The following VPS36 variants were observed in gnomAD, a reference collection of about 807,000 sequenced individuals.
VPS36 encodes vacuolar protein sorting 36 homolog.
In VPS36, 31 loss-of-function variants were observed where a neutral mutation model predicts 63.5. That is an observed-to-expected ratio of 0.49 (90% CI 0.37 to 0.66). The LOEUF (loss-of-function observed/expected upper bound fraction) is 0.66, where lower values mean the gene tolerates loss of function less well. Ranked by LOEUF, VPS36 falls within the 30% of genes least tolerant of loss-of-function variation. The pLI is 0.00. For synonymous variants in VPS36, 138 were observed against 157.2 expected (o/e 0.88, Z 0.91); for missense variants, 338 against 463.7 (o/e 0.73, Z 2.49).
At chr13:52,426,251 C>T (rs1958099775) in intron 8 of VPS36, among the ~76,000 whole-genome samples, 185 bp from the exon 9 acceptor site, 1 of 152,164 alleles carries the variant, frequency 6.6e-6, no homozygotes, top group Admixed American at 6.5e-5. Flanking sequence ...AATTATTCTC[C>T]TTCCTACTTC....
chr13:52,444,559 T>C (rs1049003214), intron 1 of VPS36, among the ~76,000 whole-genome samples: 3 of 147,662 alleles, frequency 2.0e-5, no homozygotes, highest in East Asian at 1.9e-4. Context: ...TATATGTATA[T>C]ATACACATAT....
chr13:52,428,724 TAA>T (rs1256792710), intron 6 of VPS36, among the ~76,000 whole-genome samples: 1 of 152,078 alleles, frequency 6.6e-6, no homozygotes, highest in Non-Finnish European at 1.5e-5. Context: ...TTTTAATATA[TAA>T]GATATTAATA....
At chr13:52,425,842 A>G (rs1186896638) in intron 9 of VPS36, 90 bp downstream of exon 9, 2 of 1,351,972 alleles carry the variant, frequency 1.5e-6, no homozygotes, top group Non-Finnish European at 2.0e-6. Flanking sequence ...TAACCATATC[A>G]TGAAAATAGT....
intron 9 of VPS36, 130 bp downstream of exon 9, chr13:52,425,802 G>T: frequency 9.8e-7 from 1 of 1,020,768 alleles, no homozygotes; most frequent in Non-Finnish European, 1.3e-6. Context: ...TAATATACCT[G>T]AAAGAAAAAA....
intron 10 of VPS36, among the ~76,000 whole-genome samples, chr13:52,419,891 T>G (rs11620062): frequency 0.46 from 69,224 of 151,526 alleles, 17,545 homozygotes; most frequent in East Asian, 0.64. Context: ...GTGGGAAGAG[T>G]AGTGGGGAAG....
rs1482592889 is a variant in VPS36, at chr13:52,448,600, ACTTGTCTG to A, written c.96+1891_96+1898del. ...TTTCTTAAACCTCTGACATCTATAT[ACTTGTCTG>A]CTAATACAAGCAGCAAAAATTTTAA... On this transcript the variant is annotated intron_variant, in intron 1 of 13. Coordinates refer to ENST00000378060, the MANE Select transcript of VPS36 (RefSeq NM_016075.4). Among the ~76,000 whole-genome samples the A allele has an allele frequency of 2.6e-5, 4 of 152,368 alleles. No homozygotes were observed. In the South Asian group the frequency reaches 6.2e-4, roughly 24 times the overall value.
chr13:52,417,466 T>G (rs566764010), intron 11 of VPS36, among the ~76,000 whole-genome samples: 8 of 152,300 alleles, frequency 5.3e-5, no homozygotes, highest in South Asian at 4.1e-4. Flanking sequence ...GTTCAAGCGA[T>G]TCTCCTGCCT....
intron 8 of VPS36, among the ~76,000 whole-genome samples, chr13:52,426,761 A>G (rs1336963939): frequency 6.6e-6 from 1 of 152,202 alleles, no homozygotes; most frequent in Admixed American, 6.5e-5. Flanking sequence ...ACGCTGAGGC[A>G]GGAGAATCGC....
chr13:52,438,743 T>G (rs995558262), intron 3 of VPS36, among the ~76,000 whole-genome samples: 1 of 152,254 alleles, frequency 6.6e-6, no homozygotes, highest in African/African-American at 2.4e-5. Flanking sequence ...TATTATTATA[T>G]GCTGTTTAAT....
At chr13:52,429,209 T>G in intron 6 of VPS36, 1 of 975,942 alleles carries the variant, frequency 1.0e-6, no homozygotes, top group Non-Finnish European at 1.2e-6. Context: ...CCCCTTAAGC[T>G]GACTTACAGC....
chr13:52,427,828 T>C (rs1227467447), intron 6 of VPS36, among the ~76,000 whole-genome samples: 1 of 152,172 alleles, frequency 6.6e-6, no homozygotes, highest in East Asian at 1.9e-4. Flanking sequence ...TATTATTTAC[T>C]GTTATTTGAG....
intron 6 of VPS36, among the ~76,000 whole-genome samples, chr13:52,431,779 A>AAAAG (rs1259456182): frequency 5.6e-4 from 83 of 148,436 alleles, no homozygotes; most frequent in African/African-American, 6.0e-4. Flanking sequence ...AAAAAAAAAA[A>AAAAG]AAAGAAAGAA....
intron 6 of VPS36, among the ~76,000 whole-genome samples, chr13:52,428,634 A>T (rs924814091): frequency 2.0e-5 from 3 of 152,238 alleles, no homozygotes; most frequent in Non-Finnish European, 4.4e-5. Flanking sequence ...AGTCAATTCT[A>T]ACATTTAAAT....
At chr13:52,450,044 C>T in intron 1 of VPS36, 2 of 987,586 alleles carry the variant, frequency 2.0e-6, no homozygotes, top group Non-Finnish European at 2.4e-6. Context: ...ACTGTACGGC[C>T]ACCGCGCCCT....
In VPS36 at chr13:52,429,455, G is replaced by A. The variant is rs1024929771; in HGVS notation, c.529-2236C>T. 16 of 188,206 alleles carry A rather than the reference G, an allele frequency of 8.5e-5. No individual in the cohort carries two copies. The East Asian group carries it at 1.1e-3, about 13-fold the overall frequency. The allele number at this position is 188,206 out of a possible 1,614,324, so 11.7% of individuals were successfully genotyped here. ...GACCTCAACAGAAGTTAGGGATCAT[G>A]TTATACACCCCTGCTGCAGCCTATA... On this transcript the variant is annotated intron_variant, in intron 6 of 13. Coordinates refer to ENST00000378060, the MANE Select transcript of VPS36 (RefSeq NM_016075.4).
intron 10 of VPS36, among the ~76,000 whole-genome samples, chr13:52,420,640 A>G (rs1158041209): frequency 6.6e-6 from 1 of 151,794 alleles, no homozygotes; most frequent in East Asian, 2.0e-4. Context: ...GCCCTATTGT[A>G]TATTTCAAAG....
intron 9 of VPS36, 116 bp downstream of exon 9, chr13:52,425,816 A>C (rs1958096036): frequency 2.7e-6 from 3 of 1,113,434 alleles, no homozygotes; most frequent in African/African-American, 3.2e-5. Context: ...GAAAAAAAAA[A>C]CATGTCAGTT....
At chr13:52,425,252 CAA>C (rs748988364) in intron 9 of VPS36, among the ~76,000 whole-genome samples, 12 of 67,344 alleles carry the variant, frequency 1.8e-4, no homozygotes, top group Admixed American at 3.2e-4. Context: ...GACTCCGCCT[CAA>C]AAAAAAAAAA....
intron 6 of VPS36, among the ~76,000 whole-genome samples, chr13:52,433,346 ATAAT>A (rs900955497): frequency 3.9e-5 from 6 of 152,238 alleles, no homozygotes; most frequent in African/African-American, 1.4e-4. Flanking sequence ...AACTTCCAAA[ATAAT>A]TATACAGAGA....
Sources: gnomAD v4.1 joint callset for allele counts (sites outside exome capture counted in the v4.1 genomes callset) on GRCh38, gnomAD v4.1.1 for gene constraint, MANE v1.5 for transcripts, NCBI Gene and HGNC (gene_info 2026-07-23, HGNC 2026-07-21) for gene names.